Variants in PRKCE observed in about 807,000 individuals in gnomAD.
PRKCE encodes the protein protein kinase C epsilon.
In PRKCE, 16 loss-of-function variants were observed where a neutral mutation model predicts 85.4. The ratio of observed to expected loss-of-function variants is 0.19; its 90% CI spans 0.13 to 0.28. The LOEUF is 0.28. Ranked by LOEUF, PRKCE falls within the 10% of genes least tolerant of loss-of-function variation. PRKCE has a pLI of 1.00. For synonymous variants in PRKCE, 388 were observed against 371.5 expected (o/e 1.04, Z -0.51); for missense variants, 573 against 975.2 (o/e 0.59, Z 5.49).
rs76515409 is a variant in PRKCE at position 45,959,611 on chromosome 2, A to G, written c.413-16818A>G. ...GCTAGGTGTTCCTGCTGGGCACAGGATGGCTCAGATCAGATTTAGGGAACA... is the reference window on the plus strand; with the variant it reads ...GCTAGGTGTTCCTGCTGGGCACAGGGTGGCTCAGATCAGATTTAGGGAACA... On this transcript the variant is annotated intron_variant, in intron 2 of 14. Coordinates refer to ENST00000306156, the MANE Select transcript of PRKCE (RefSeq NM_005400.3). Among the ~76,000 whole-genome samples, 610 of 152,266 alleles carry G rather than the reference A, an allele frequency of 4.0e-3. 4 individuals are homozygous for G. Among genetic ancestry groups the G allele is most frequent in the Middle Eastern group, 0.014 (4 of 294 alleles).
At chr2:45,970,949 C>T (rs1050829646) in intron 2 of PRKCE, among the ~76,000 whole-genome samples, 1 of 151,352 alleles carries the variant, frequency 6.6e-6, no homozygotes, top group African/African-American at 2.4e-5. Context: ...ATTTATGTAT[C>T]TGTTATTTTA....
intron 1 of PRKCE, among the ~76,000 whole-genome samples, chr2:45,792,491 AGGG>A (rs386645633): frequency 0.038 from 5,841 of 152,212 alleles, 383 homozygotes; most frequent in African/African-American, 0.13. Flanking sequence ...AAGCTAGAGA[AGGG>A]TGCCCTTCCC....
chr2:45,999,563 G>C (rs1412536278), intron 6 of PRKCE, among the ~76,000 whole-genome samples: 2 of 151,478 alleles, frequency 1.3e-5, no homozygotes, highest in East Asian at 3.9e-4. Flanking sequence ...GTTTTTTGTT[G>C]GTTTGTTTGT....
At chr2:46,088,213 A>G (rs994929720) in intron 11 of PRKCE, among the ~76,000 whole-genome samples, 1 of 152,176 alleles carries the variant, frequency 6.6e-6, no homozygotes, top group Non-Finnish European at 1.5e-5. Context: ...CTACAGCTTC[A>G]TATACCTTTC....
intron 1 of PRKCE, among the ~76,000 whole-genome samples, chr2:45,833,138 C>CAAAA (rs35838849): frequency 3.3e-5 from 4 of 120,186 alleles, no homozygotes; most frequent in South Asian, 2.7e-4. Flanking sequence ...GGCAACATGG[C>CAAAA]AAAAAAAAAA....
At chr2:45,844,215 T>C (rs1294227061) in intron 2 of PRKCE, among the ~76,000 whole-genome samples, 1 of 152,238 alleles carries the variant, frequency 6.6e-6, no homozygotes, top group African/African-American at 2.4e-5. Flanking sequence ...TAATTGTGTG[T>C]ATATGGGGAT....
chr2:45,797,048 G>T (rs1370626595), intron 1 of PRKCE, among the ~76,000 whole-genome samples: 1 of 152,230 alleles, frequency 6.6e-6, no homozygotes, highest in Non-Finnish European at 1.5e-5. Flanking sequence ...ATCCCTAGGA[G>T]TGTCAGTGTT....
At position 46,001,590 on chromosome 2, in the gene PRKCE, A is replaced by G; in HGVS notation, c.966+44A>G. On this transcript the variant is annotated intron_variant, in intron 7 of 14. Coordinates refer to ENST00000306156, the MANE Select transcript of PRKCE (RefSeq NM_005400.3). The surrounding 1 kb of genome is among the most constrained non-coding windows in gnomAD (Gnocchi z 4.4). ...GTGTTGCTGGAGCCCTTTTCAGGCTAGCATTTCTGTGCTGACTTCCAGAGG... is the reference window on the plus strand; with the variant it reads ...GTGTTGCTGGAGCCCTTTTCAGGCTGGCATTTCTGTGCTGACTTCCAGAGG... 6.3e-7 allele frequency: 1 copy of G among 1,580,276 alleles called. No homozygotes were observed. Among genetic ancestry groups the G allele is most frequent in the African/African-American group, 1.3e-5 (1 of 74,540 alleles).
intron 2 of PRKCE, among the ~76,000 whole-genome samples, chr2:45,889,642 T>A: frequency 6.6e-6 from 1 of 152,274 alleles, no homozygotes; most frequent in African/African-American, 2.4e-5. Flanking sequence ...TGTGTTCCCA[T>A]AGGAAGTCAG....
In PRKCE at chr2:46,143,280, C is replaced by A. The variant is rs185114506; in HGVS notation, c.1593-1813C>A. Among the ~76,000 whole-genome samples, 29 of 152,180 alleles carry A rather than the reference C, an allele frequency of 1.9e-4. No individual in the cohort carries two copies. The East Asian group carries it at 4.8e-3, about 25-fold the overall frequency. On this transcript the variant is annotated intron_variant, in intron 11 of 14. Transcript: ENST00000306156. ...GTTGTTCCTTTTCCAATTAGTATCA[C>A]CATTGTGCTGATCGTGTGTGTCATG... is the stretch of plus-strand genomic sequence containing the variant.
chr2:46,128,007 A>C (rs1324704292), intron 11 of PRKCE, among the ~76,000 whole-genome samples: 3 of 152,234 alleles, frequency 2.0e-5, no homozygotes, highest in Non-Finnish European at 4.4e-5. Context: ...CCATGTTCAC[A>C]CACTGAGGTA....
chr2:45,944,763 A>C (rs1284338712), intron 2 of PRKCE, among the ~76,000 whole-genome samples: 1 of 144,358 alleles, frequency 6.9e-6, no homozygotes, highest in Non-Finnish European at 1.5e-5. Flanking sequence ...TGGCCTCCCA[A>C]AGTGCTGGGA....
intron 1 of PRKCE, among the ~76,000 whole-genome samples, chr2:45,728,373 C>T (rs960247151): frequency 2.0e-5 from 3 of 152,180 alleles, no homozygotes; most frequent in Non-Finnish European, 4.4e-5. Context: ...GGATGTTGGA[C>T]TAGCAAGCCA....
intron 2 of PRKCE, among the ~76,000 whole-genome samples, chr2:45,931,883 T>A (rs1324783981): frequency 1.3e-5 from 2 of 152,132 alleles, no homozygotes; most frequent in African/African-American, 4.8e-5. Context: ...ATTTTTGTAT[T>A]TTTAATAGAG....
chr2:45,661,344 G>A (rs1267161843), intron 1 of PRKCE, among the ~76,000 whole-genome samples: 6 of 150,776 alleles, frequency 4.0e-5, no homozygotes, highest in Non-Finnish European at 8.9e-5. Flanking sequence ...CACCACACCC[G>A]ACTAATTTCT....
At chr2:45,977,196 T>C (rs1702524773) in intron 3 of PRKCE, among the ~76,000 whole-genome samples, 1 of 152,172 alleles carries the variant, frequency 6.6e-6, no homozygotes, top group Non-Finnish European at 1.5e-5. Context: ...TGTACCCAGC[T>C]GATTGTGTGT....
At chr2:46,050,872 T>C (rs1708812161) in intron 10 of PRKCE, among the ~76,000 whole-genome samples, 1 of 152,222 alleles carries the variant, frequency 6.6e-6, no homozygotes, top group Non-Finnish European at 1.5e-5. Context: ...ATGGTCTTTC[T>C]CAGTGCCCAC....
At chr2:46,083,098 T>C (rs1669252852) in intron 10 of PRKCE, among the ~76,000 whole-genome samples, 1 of 152,178 alleles carries the variant, frequency 6.6e-6, no homozygotes, top group South Asian at 2.1e-4. Context: ...ATTACAGGCA[T>C]GCGCCACCAT....
At chr2:45,792,276 G>A (rs1029508998) in intron 1 of PRKCE, among the ~76,000 whole-genome samples, 11 of 152,136 alleles carry the variant, frequency 7.2e-5, no homozygotes, top group African/African-American at 2.4e-4. Flanking sequence ...TCACTACCAT[G>A]AGAATGGCAC....
Sources: gnomAD v4.1 joint callset for allele counts (sites outside exome capture counted in the v4.1 genomes callset) on GRCh38, gnomAD v4.1.1 for gene constraint, Gnocchi (gnomAD v3.1) non-coding constraint, MANE v1.5 for transcripts, NCBI Gene and HGNC (gene_info 2026-07-23, HGNC 2026-07-21) for gene names.